NOTUM: variants seen among roughly 807,000 people sequenced by gnomAD.
NOTUM encodes palmitoleoyl-protein carboxylesterase NOTUM.
A neutral mutation model predicts 65.5 loss-of-function variants in NOTUM; 36 were observed. The ratio of observed to expected loss-of-function variants is 0.55; its 90% confidence interval spans 0.42 to 0.73. The LOEUF is 0.73. Among genes scored for constraint, NOTUM ranks in the 30% least tolerant of loss-of-function variants. The pLI is 0.00. For missense variants in NOTUM, 659 were observed against 694.2 expected, an observed-to-expected ratio of 0.95 and a Z score of 0.57; for synonymous variants, 356 against 297.9, an observed-to-expected ratio of 1.20 and a Z score of -2.01.
rs757277733 is a variant in NOTUM at position 81,956,878 on chromosome 17, G to A, written c.887+5C>T. The A allele has an allele frequency of 3.9e-5, 63 of 1,607,428 alleles. No homozygotes were observed. Among genetic ancestry groups the A allele is most frequent in the African/African-American group, 1.1e-4 (8 of 74,884 alleles). ...CACGAGGACGGGCCCTCCCCGCTGC[G>A]GCACCTGATGCCACGGCGGATGGCC... On this transcript the variant is annotated splice_donor_5th_base_variant and intron_variant, in intron 7 of 10. Transcript: ENST00000409678.
Position 81,956,631 on chromosome 17 carries a change from C to T in NOTUM, c.988+19G>A, listed in dbSNP as rs746413570. On this transcript the variant is annotated intron_variant, in intron 8 of 10. Transcript: ENST00000409678. Reference sequence around the variant, plus strand: ...GCCACCCCTGCTGCCCTGTGTGCTCCGCTCTGCCGCCCACTCACAGCGCAG... The same window carrying T: ...GCCACCCCTGCTGCCCTGTGTGCTCTGCTCTGCCGCCCACTCACAGCGCAG... 3.9e-6 allele frequency: 6 copies of T among 1,555,408 alleles called. No homozygotes were observed. The highest frequency in any genetic ancestry group is 3.4e-5 in the South Asian group (3 of 89,406).
At position 81,960,661 on chromosome 17, in the gene NOTUM, C is replaced by T; in HGVS notation, c.249G>A (p.Gln83=). 1 of 1,587,818 alleles carries T rather than the reference C, an allele frequency of 6.3e-7. No individual in the cohort carries two copies. The highest frequency in any genetic ancestry group is 8.6e-7 in the Non-Finnish European group (1 of 1,166,522). ...LAQSLYPCSA[Q]QLNEDLRLHL... ...GCAGGCGCAGGTCCTCGTTGAGCTG[C>T]TGCGCGGAGCAGGGGTACAGGGACT... is the stretch of plus-strand genomic sequence containing the variant. Residue 83 remains glutamine, a synonymous_variant, in exon 1 of 11, where the codon CAG becomes CAA. Coordinates refer to ENST00000409678, the MANE Select transcript of NOTUM (RefSeq NM_178493.6). The surrounding 1 kb of genome is among the most constrained non-coding windows in gnomAD (Gnocchi z 6.4).
Position 81,959,697 on chromosome 17 carries a change from G to C in NOTUM, c.324-5C>G. ...CTGGACTCCTTCAGGTAGTAGCTGCGGGGGAGGACGCACCGCGGGGGGTCG... is the reference window on the plus strand; with the variant it reads ...CTGGACTCCTTCAGGTAGTAGCTGCCGGGGAGGACGCACCGCGGGGGGTCG... On this transcript the variant is annotated splice_region_variant and splice_polypyrimidine_tract_variant and intron_variant, in intron 1 of 10. Coordinates refer to ENST00000409678, the MANE Select transcript of NOTUM (RefSeq NM_178493.6). The C allele has an allele frequency of 6.8e-7, 1 of 1,472,242 alleles. No individual in the cohort carries two copies. 91.2% of individuals were successfully genotyped at this position (1,472,242 alleles called of 1,614,324 possible). A position where few individuals can be genotyped will look rare whatever the true frequency, so the allele number is the denominator to read the frequency against.
intron 4 of NOTUM, among the ~76,000 whole-genome samples, 183 bp downstream of exon 4, chr17:81,958,752 C>T (rs978859840): frequency 1.3e-5 from 2 of 151,948 alleles, no homozygotes; most frequent in African/African-American, 2.4e-5. Flanking sequence ...CAGGACAGGA[C>T]CTCCTCCCCA....
chr17:81,960,516 C>T lies in NOTUM; in HGVS notation c.323+71G>A, dbSNP rs1598369753. ...CTCCCCGGGGAGAGAACGGCCGCGG[C>T]CCGCAGGGAAGGTCCAGCCGGAGAC... On this transcript the variant is annotated intron_variant, in intron 1 of 10. Transcript: ENST00000409678. This position sits in a 1 kb window ranked among gnomAD's most constrained non-coding sequence, Gnocchi z 6.4. 2 of 1,138,250 alleles carry T rather than the reference C, an allele frequency of 1.8e-6. No individual in the cohort carries two copies. Among genetic ancestry groups the T allele is most frequent in the East Asian group, 2.9e-5 (1 of 34,406 alleles). The allele number at this position is 1,138,250 out of a possible 1,614,324, so 70.5% of individuals were successfully genotyped here. A position where few individuals can be genotyped will look rare whatever the true frequency, so the allele number is the denominator to read the frequency against.
chr17:81,953,772 CTTT>C (rs35740276), intron 10 of NOTUM, among the ~76,000 whole-genome samples: 5 of 141,550 alleles, frequency 3.5e-5, no homozygotes, highest in African/African-American at 1.1e-4. Flanking sequence ...CAGCCTGAGT[CTTT>C]TTTTTTTTTT....
chr17:81,960,753 G>A lies in NOTUM; in HGVS notation c.157C>T (p.Pro53Ser), dbSNP rs760255639. ...PAAGQPVESF[P>S]LDFTAVEGNM... Reference sequence around the variant, plus strand: ...CCCTCCACGGCCGTGAAGTCCAGCGGGAAGCTCTCCACGGGCTGTCCGGCC... The same window carrying A: ...CCCTCCACGGCCGTGAAGTCCAGCGAGAAGCTCTCCACGGGCTGTCCGGCC... Residue 53 changes from proline to serine, a missense_variant, in exon 1 of 11, where the codon CCG becomes TCG. Coordinates refer to ENST00000409678, the MANE Select transcript of NOTUM (RefSeq NM_178493.6). The surrounding 1 kb of genome is among the most constrained non-coding windows in gnomAD (Gnocchi z 6.4). 7 of 1,594,690 alleles carry A rather than the reference G, an allele frequency of 4.4e-6. No homozygotes were observed. In the East Asian group the frequency reaches 1.1e-4, roughly 26 times the overall value.
At chr17:81,953,348 A>C in intron 10 of NOTUM, 81 bp from the exon 11 acceptor site, 1 of 886,940 alleles carries the variant, frequency 1.1e-6, no homozygotes, top group Non-Finnish European at 1.7e-6. Context: ...TTTTGAGACC[A>C]GCCATGGCAG....
rs1357441867 is a variant in NOTUM, at chr17:81,953,330, G to A, written c.1185-63C>T. The A allele has an allele frequency of 1.2e-5, 10 of 858,958 alleles. No individual in the cohort carries two copies. In the East Asian group the frequency reaches 3.5e-4, roughly 30 times the overall value. The allele number at this position is 858,958 out of a possible 1,614,324, so 53.2% of individuals were successfully genotyped here. ...GAGTGGCATCAACACTGAGGCAGCT[G>A]TTTTTTTTTTTGAGACCAGCCATGG... On this transcript the variant is annotated intron_variant, in intron 10 of 10. Coordinates refer to ENST00000409678, the MANE Select transcript of NOTUM (RefSeq NM_178493.6).
At chr17:81,953,546 G>A (rs926480965) in intron 10 of NOTUM, among the ~76,000 whole-genome samples, 1 of 151,956 alleles carries the variant, frequency 6.6e-6, no homozygotes, top group African/African-American at 2.4e-5. Context: ...TGCCCCCATT[G>A]GCCTCCCAAA....
rs765911846 is a variant in NOTUM, at chr17:81,953,024, C to G, written c.1428G>C (p.Thr476=). 2.7e-5 allele frequency: 43 copies of G among 1,613,938 alleles called. No homozygotes were observed. The highest frequency in any genetic ancestry group is 3.5e-5 in the Non-Finnish European group (41 of 1,180,002). ...GCTCCAGTCCCTGCGGCTGGGCCAC[C>G]GTCTGCATGTCGAAGCCCATGTGCA... The part of the protein sequence containing the change: ...FLMHMGFDMQ[T]VAQPQGLEPS... Residue 476 remains threonine, a synonymous_variant, in exon 11 of 11, where the codon ACG becomes ACC. Coordinates refer to ENST00000409678, the MANE Select transcript of NOTUM (RefSeq NM_178493.6).
chr17:81,960,938 G>T lies in NOTUM; in HGVS notation c.-29C>A, dbSNP rs902072816. On this transcript the variant is annotated 5_prime_UTR_variant, in exon 1 of 11. Coordinates refer to ENST00000409678, the MANE Select transcript of NOTUM (RefSeq NM_178493.6). This position sits in a 1 kb window ranked among gnomAD's most constrained non-coding sequence, Gnocchi z 6.4. ...CGCGTCCACCTGCGGGGAGCGGGCGGCCTTGAGGCGGCGGCGGCGGCGGCG... is the reference window on the plus strand; with the variant it reads ...CGCGTCCACCTGCGGGGAGCGGGCGTCCTTGAGGCGGCGGCGGCGGCGGCG... The T allele has an allele frequency of 5.0e-6, 6 of 1,198,784 alleles. No homozygotes were observed. In the Admixed American group the frequency reaches 1.3e-4, roughly 26 times the overall value. 74.3% of individuals were successfully genotyped at this position (1,198,784 alleles called of 1,614,324 possible). A position where few individuals can be genotyped will look rare whatever the true frequency, so the allele number is the denominator to read the frequency against.
Position 81,956,662 on chromosome 17 carries a change from G to C in NOTUM, c.976C>G (p.Pro326Ala). 5 of 1,611,426 alleles carry C rather than the reference G, an allele frequency of 3.1e-6. No homozygotes were observed. The highest frequency in any genetic ancestry group is 2.5e-6 in the Non-Finnish European group (3 of 1,178,522). The change falls in exon 8 of 11, where the codon CCG becomes GCG. Residue 326 changes from proline to alanine, a missense_variant. Pro to Ala is a conservative substitution (Grantham distance 27). Coordinates refer to ENST00000409678, the MANE Select transcript of NOTUM (RefSeq NM_178493.6). ...GCCGCCCACTCACAGCGCAGGGTCG[G>C]GTAGACCTTGTAGCCAAAGAAGCAG... is the stretch of plus-strand genomic sequence containing the variant. ...WNCFFGYKVYPTLRCPVFVVQ... is the reference protein window; with the variant it reads ...WNCFFGYKVYATLRCPVFVVQ...
Position 81,953,336 on chromosome 17 carries a change from T to C in NOTUM, c.1185-69A>G, listed in dbSNP as rs1414909107. On this transcript the variant is annotated intron_variant, in intron 10 of 10. Coordinates refer to ENST00000409678, the MANE Select transcript of NOTUM (RefSeq NM_178493.6). ...CATCAACACTGAGGCAGCTGTTTTT[T>C]TTTTTGAGACCAGCCATGGCAGGAT... is the stretch of plus-strand genomic sequence containing the variant. 6 of 1,023,212 alleles carry C rather than the reference T, an allele frequency of 5.9e-6. No individual in the cohort carries two copies. The African/African-American group carries it at 8.0e-5, about 14-fold the overall frequency. The allele number at this position is 1,023,212 out of a possible 1,614,324, so 63.4% of individuals were successfully genotyped here.
At position 81,953,128 on chromosome 17, in the gene NOTUM, A is replaced by G; in HGVS notation, c.1324T>C (p.Trp442Arg). 1.2e-6 allele frequency: 2 copies of G among 1,613,574 alleles called. No homozygotes were observed. The highest frequency in any genetic ancestry group is 1.7e-6 in the Non-Finnish European group (2 of 1,179,750). The change falls in exon 11 of 11, where the codon TGG (tryptophan) becomes CGG (arginine). Residue 442 changes from tryptophan (W) to arginine (R), a missense_variant. Transcript: ENST00000409678. ...GGGCATGAGGGGTTGCAGTGGGGCC[A>G]GGGGCAGCTGTCCACCAGGTGGACG... ...CPVHLVDSCP[W>R]PHCNPSCPTV...
intron 6 of NOTUM, 90 bp from the exon 7 acceptor site, chr17:81,957,164 G>T (rs1037598998): frequency 1.9e-6 from 2 of 1,072,150 alleles, no homozygotes; most frequent in Non-Finnish European, 2.7e-6. Flanking sequence ...TGCCCCGAGG[G>T]GGGCAGGAGT....
intron 10 of NOTUM, among the ~76,000 whole-genome samples, chr17:81,953,772 C>CTTTTTTTTTTT (rs35740276): frequency 7.1e-6 from 1 of 141,552 alleles, no homozygotes; most frequent in Non-Finnish European, 1.5e-5. Context: ...CAGCCTGAGT[C>CTTTTTTTTTTT]TTTTTTTTTT....
intron 8 of NOTUM, 23 bp downstream of exon 8, chr17:81,956,627 G>C (rs1049028540): frequency 1.3e-6 from 2 of 1,525,800 alleles, no homozygotes; most frequent in African/African-American, 2.7e-5. Context: ...TGCCCTGTGT[G>C]CTCCGCTCTG....
At position 81,954,259 on chromosome 17, in the gene NOTUM, C is replaced by G. The variant is rs149932029; in HGVS notation, c.1181G>C (p.Arg394Pro). ...TGCCCGGAGCAGGGACACTGACCTC[C>G]GGATGATGATCTCATGGGAGAGGCA... ...PACLSHEIII[R>P]SHWTDVQVKG... The change falls in exon 10 of 11, where the codon CGG (arginine) becomes CCG (proline). Residue 394 changes from arginine to proline, a missense_variant. By Grantham distance (103) the Arg-to-Pro change is moderately radical. Transcript: ENST00000409678. The G allele has an allele frequency of 6.2e-7, 1 of 1,611,826 alleles. No individual in the cohort carries two copies. The highest frequency in any genetic ancestry group is 8.5e-7 in the Non-Finnish European group (1 of 1,177,918).
Sources: allele counts gnomAD v4.1 joint callset (sites outside exome capture counted in the v4.1 genomes callset), GRCh38; gene constraint gnomAD v4.1.1; non-coding constraint Gnocchi (gnomAD v3.1); transcripts MANE v1.5; gene names NCBI Gene and HGNC (gene_info 2026-07-23, HGNC 2026-07-21).